RAI1: variants seen among roughly 807,000 people sequenced by gnomAD.
The protein encoded by RAI1 is retinoic acid-induced protein 1.
A neutral mutation model predicts 123.8 loss-of-function variants in RAI1; 9 were observed. That is an observed-to-expected ratio of 0.07 (90% confidence interval 0.04 to 0.13). The LOEUF is 0.13. Among genes scored for constraint, RAI1 ranks in the 10% least tolerant of loss-of-function variants. RAI1 has a pLI of 1.00. For missense variants in RAI1, 2,256 were observed against 2,545.8 expected (o/e 0.89, Z 2.45); for synonymous variants, 1,231 against 1,127.3 (o/e 1.09, Z -1.84).
intron 1 of RAI1, among the ~76,000 whole-genome samples, chr17:17,704,268 A>T (rs1235823373): frequency 6.6e-6 from 1 of 152,232 alleles, no homozygotes; most frequent in Non-Finnish European, 1.5e-5. Flanking sequence ...TCAGCCCTGC[A>T]CAAGGTGTGA....
intron 2 of RAI1, among the ~76,000 whole-genome samples, chr17:17,730,991 A>G (rs752015787): frequency 2.0e-5 from 3 of 152,206 alleles, no homozygotes; most frequent in Non-Finnish European, 2.9e-5. Context: ...TCTAGGAAGC[A>G]GGGCAGGCGA....
At chr17:17,694,744 TGAGGCCAGGCGGGGGGC>T (rs1914956586) in intron 1 of RAI1, among the ~76,000 whole-genome samples, 2 of 150,050 alleles carry the variant, frequency 1.3e-5, no homozygotes. Flanking sequence ...TTCGGGGCGC[TGAGGCCAGGCGGGGGGC>T]GAGGCGGGGC....
At chr17:17,743,641 A>G (rs191456160) in intron 2 of RAI1, among the ~76,000 whole-genome samples, 422 of 152,340 alleles carry the variant, frequency 2.8e-3, no homozygotes, top group Non-Finnish European at 4.1e-3. Flanking sequence ...CCTGACCCCA[A>G]TGGGCAGGCA....
Position 17,810,909 on chromosome 17 carries a change from C to CCA in RAI1, c.*928_*929insCA. On this transcript the variant is annotated 3_prime_UTR_variant, in exon 6 of 6. Transcript: ENST00000353383. This position sits in a 1 kb window ranked among gnomAD's most constrained non-coding sequence, Gnocchi z 4.6. ...TCGTGTACAAAACCTGTGTACCCCT[C>CCA]TATATATATGTTACATAGAATGTAT... The CCA allele has an allele frequency of 2.4e-6, 1 of 409,928 alleles. No individual in the cohort carries two copies. The highest frequency in any genetic ancestry group is 1.7e-5 in the South Asian group (1 of 60,548). The allele number at this position is 409,928 out of a possible 1,614,324, so 25.4% of individuals were successfully genotyped here.
At chr17:17,790,978 G>A (rs1008748539) in intron 2 of RAI1, among the ~76,000 whole-genome samples, 1 of 152,266 alleles carries the variant, frequency 6.6e-6, no homozygotes, top group Admixed American at 6.5e-5. Context: ...CTCCTGTAAT[G>A]TTTTATCCAA....
intron 2 of RAI1, among the ~76,000 whole-genome samples, chr17:17,730,965 C>T (rs1431435259): frequency 2.0e-5 from 3 of 152,196 alleles, no homozygotes; most frequent in African/African-American, 7.2e-5. Flanking sequence ...CCCTGAGTGG[C>T]CGAGAGAGAG....
chr17:17,709,474 C>T (rs1915497721), intron 1 of RAI1, among the ~76,000 whole-genome samples: 1 of 152,230 alleles, frequency 6.6e-6, no homozygotes, highest in East Asian at 1.9e-4. Context: ...GGCCTCCCTG[C>T]TGGGTTGACC....
intron 2 of RAI1, chr17:17,778,591 G>A (rs916444528): frequency 5.2e-6 from 2 of 383,912 alleles, no homozygotes; most frequent in Non-Finnish European, 1.0e-5. Flanking sequence ...CAATCAGAGT[G>A]GGCATGGGGG....
Position 17,810,583 on chromosome 17 carries a change from C to CAGGG in RAI1, c.*603_*606dup, listed in dbSNP as rs2032723334. The CAGGG allele has an allele frequency of 3.0e-6, 1 of 331,528 alleles. No homozygotes were observed. The highest frequency in any genetic ancestry group is 2.2e-5 in the South Asian group (1 of 45,864). The allele number at this position is 331,528 out of a possible 1,614,324, so 20.5% of individuals were successfully genotyped here. On this transcript the variant is annotated 3_prime_UTR_variant, in exon 6 of 6. Coordinates refer to ENST00000353383, the MANE Select transcript of RAI1 (RefSeq NM_030665.4). The surrounding 1 kb of genome is among the most constrained non-coding windows in gnomAD (Gnocchi z 4.6). ...TGGAACAAACCGTGCGGAACGCGTC[C>CAGGG]AGGGGCCTTCCCGCCCAGCCTTTGC... is the stretch of plus-strand genomic sequence containing the variant.
intron 2 of RAI1, among the ~76,000 whole-genome samples, chr17:17,764,974 A>G (rs1598062896): frequency 6.6e-6 from 1 of 152,310 alleles, no homozygotes; most frequent in East Asian, 1.9e-4. Context: ...TATTGTGTGC[A>G]TATGCCACAG....
chr17:17,751,240 A>T (rs1292035446), intron 2 of RAI1, among the ~76,000 whole-genome samples: 1 of 152,114 alleles, frequency 6.6e-6, no homozygotes, highest in Non-Finnish European at 1.5e-5. Flanking sequence ...CTTCCCGAGG[A>T]GGTGACATTT....
chr17:17,786,282 C>T (rs1379300914), intron 2 of RAI1, among the ~76,000 whole-genome samples: 1 of 152,200 alleles, frequency 6.6e-6, no homozygotes, highest in Admixed American at 6.5e-5. Flanking sequence ...CTCTGTGTCG[C>T]CACTCCACTG....
intron 2 of RAI1, among the ~76,000 whole-genome samples, chr17:17,739,655 C>T (rs1181520288): frequency 6.6e-6 from 1 of 152,194 alleles, no homozygotes; most frequent in Non-Finnish European, 1.5e-5. Context: ...TGCCTGCTTC[C>T]CCTGACCTCT....
chr17:17,788,652 C>G (rs528853890), intron 2 of RAI1, among the ~76,000 whole-genome samples: 2 of 152,234 alleles, frequency 1.3e-5, no homozygotes, highest in African/African-American at 4.8e-5. Flanking sequence ...ATAAAACCAC[C>G]TTGGGTAAGT....
At chr17:17,698,769 G>A (rs1218078792) in intron 1 of RAI1, among the ~76,000 whole-genome samples, 2 of 152,122 alleles carry the variant, frequency 1.3e-5, no homozygotes, top group Non-Finnish European at 2.9e-5. Context: ...CTTTGGCGCT[G>A]TGACTCTGTA....
At chr17:17,721,045 CTCACTGAGCGACCTGGAATCTG>C (rs1333760382) in intron 1 of RAI1, among the ~76,000 whole-genome samples, 9 of 151,742 alleles carry the variant, frequency 5.9e-5, no homozygotes, top group African/African-American at 1.5e-4. Flanking sequence ...GTGAAGGGTA[CTCACTGAGCGACCTGGAATCTG>C]TGAAGGGTAC....
chr17:17,802,934 A>C (rs1340000822), intron 3 of RAI1, among the ~76,000 whole-genome samples: 2 of 151,864 alleles, frequency 1.3e-5, no homozygotes, highest in African/African-American at 4.8e-5. Flanking sequence ...AAATACAAAA[A>C]TTAGCTGGGC....
In RAI1 at chr17:17,797,532, C is replaced by T. The variant is rs375648948; in HGVS notation, c.4584C>T (p.His1528=). Residue 1528 remains histidine (H), a synonymous_variant, in exon 3 of 6, where the codon CAC becomes CAT. Transcript: ENST00000353383. The part of the protein sequence containing the change: ...PQTRAQKQPG[H]TNYSSYSKRK... ...CAAGGGCACAGAAACAGCCAGGCCA[C>T]ACCAACTACAGCAGCTATTCCAAGC... 3 of 1,613,880 alleles carry T rather than the reference C, an allele frequency of 1.9e-6. No homozygotes were observed. In the African/African-American group the frequency reaches 4.0e-5, roughly 22 times the overall value.
intron 2 of RAI1, among the ~76,000 whole-genome samples, chr17:17,753,377 C>A (rs570325085): frequency 6.6e-6 from 1 of 152,140 alleles, no homozygotes; most frequent in Non-Finnish European, 1.5e-5. Context: ...GGTAGAGCAG[C>A]GAGAAAATCT....
Sources: gnomAD v4.1 joint callset for allele counts (sites outside exome capture counted in the v4.1 genomes callset) on GRCh38, gnomAD v4.1.1 for gene constraint, Gnocchi (gnomAD v3.1) non-coding constraint, MANE v1.5 for transcripts, NCBI Gene and HGNC (gene_info 2026-07-23, HGNC 2026-07-21) for gene names.